The following PRTFDC1 variants were observed in gnomAD, a reference collection of about 807,000 sequenced individuals.
PRTFDC1 encodes phosphoribosyltransferase domain-containing protein 1.
In PRTFDC1, 38 loss-of-function variants were observed where a neutral mutation model predicts 34.6. That is an observed-to-expected ratio of 1.10 (90% CI 0.85 to 1.44). The LOEUF is 1.44. Among genes scored for constraint, PRTFDC1 ranks in the 40% most tolerant of loss-of-function variants. The pLI is 0.00. For synonymous variants in PRTFDC1, 93 were observed against 98.1 expected (o/e 0.95, Z 0.31); for missense variants, 270 against 283.0 (o/e 0.95, Z 0.33).
In PRTFDC1 at chr10:24,937,425, T is replaced by A. The variant is rs939918995; in HGVS notation, c.156-58A>T. 4 of 1,451,924 alleles carry A rather than the reference T, an allele frequency of 2.8e-6. No individual in the cohort carries two copies. The African/African-American group carries it at 5.6e-5, about 20-fold the overall frequency. The allele number at this position is 1,451,924 out of a possible 1,614,324, so 89.9% of individuals were successfully genotyped here. Reference sequence around the variant, plus strand: ...AACTACTTCTGAGTATTTATGTTGCTTTAATGAAATGCAAGATGTATTGTA... The same window carrying A: ...AACTACTTCTGAGTATTTATGTTGCATTAATGAAATGCAAGATGTATTGTA... On this transcript the variant is annotated intron_variant, in intron 2 of 8. Transcript: ENST00000320152.
chr10:24,904,311 C>A (rs1354353743), intron 3 of PRTFDC1, among the ~76,000 whole-genome samples: 1 of 151,510 alleles, frequency 6.6e-6, no homozygotes, highest in Non-Finnish European at 1.5e-5. Context: ...CTCAGACTTG[C>A]AAATATTCTT....
chr10:24,951,866 A>G (rs1849350459), intron 1 of PRTFDC1, among the ~76,000 whole-genome samples: 1 of 152,052 alleles, frequency 6.6e-6, no homozygotes, highest in South Asian at 2.1e-4. Flanking sequence ...TCCCATCCGG[A>G]CACACTGCTA....
At chr10:24,875,795 A>G (rs1847952363) in intron 3 of PRTFDC1, among the ~76,000 whole-genome samples, 1 of 151,148 alleles carries the variant, frequency 6.6e-6, no homozygotes, top group South Asian at 2.1e-4. Flanking sequence ...CAATTAATTA[A>G]TCTAACTTGT....
intron 3 of PRTFDC1, among the ~76,000 whole-genome samples, chr10:24,893,276 C>T (rs1042282292): frequency 6.6e-5 from 10 of 151,978 alleles, no homozygotes; most frequent in Admixed American, 1.3e-4. Flanking sequence ...CTCTCTTTCT[C>T]TCTCTCTCTC....
rs997751448 is a variant in PRTFDC1 at position 24,943,582 on chromosome 10, G to A, written c.49-1146C>T. ...TTTTCTCTCTCTGAGACAGGGTCCC[G>A]CACTGTCACCCAGTCTGGAGTGCAG... On this transcript the variant is annotated intron_variant, in intron 1 of 8. Coordinates refer to ENST00000320152, the MANE Select transcript of PRTFDC1 (RefSeq NM_020200.7). Among the ~76,000 whole-genome samples the A allele has an allele frequency of 3.6e-5, 5 of 139,330 alleles. No homozygotes were observed. In the East Asian group the frequency reaches 6.4e-4, roughly 18 times the overall value. 91.4% of individuals were successfully genotyped at this position (139,330 alleles called of 152,430 possible).
Position 24,860,430 on chromosome 10 carries a change from C to T in PRTFDC1, c.406-2021G>A, listed in dbSNP as rs144693455. Among the ~76,000 whole-genome samples, 844 of 152,206 alleles carry T rather than the reference C, an allele frequency of 5.5e-3. 6 individuals carry two copies. Among genetic ancestry groups the T allele is most frequent in the Non-Finnish European group, 0.01 (690 of 68,000 alleles). On this transcript the variant is annotated intron_variant, in intron 4 of 8. Coordinates refer to ENST00000320152, the MANE Select transcript of PRTFDC1 (RefSeq NM_020200.7). ...CAAATACTACACATTCGATAACTTA[C>T]TTATGTTTAATGCAAGATTTAATTA...
At chr10:24,898,177 G>A (rs184211740) in intron 3 of PRTFDC1, among the ~76,000 whole-genome samples, 70 of 151,150 alleles carry the variant, frequency 4.6e-4, no homozygotes, top group Non-Finnish European at 4.1e-4. Flanking sequence ...GAGGCTGTGC[G>A]CAGTGGCTCA....
chr10:24,906,970 G>T (rs1047884143), intron 3 of PRTFDC1, among the ~76,000 whole-genome samples: 2 of 152,186 alleles, frequency 1.3e-5, no homozygotes, highest in Admixed American at 6.5e-5. Context: ...TATACATTTA[G>T]CATATAAAGC....
At chr10:24,865,477 T>C (rs1031570510) in intron 4 of PRTFDC1, among the ~76,000 whole-genome samples, 2 of 152,172 alleles carry the variant, frequency 1.3e-5, no homozygotes, top group Non-Finnish European at 1.5e-5. Context: ...CTTAGTCATC[T>C]CATCACACCT....
chr10:24,917,506 A>T (rs1848712374), intron 3 of PRTFDC1, among the ~76,000 whole-genome samples: 1 of 152,154 alleles, frequency 6.6e-6, no homozygotes, highest in Non-Finnish European at 1.5e-5. Context: ...TGTTAAACAT[A>T]ATATTTTGAT....
At chr10:24,904,719 A>C (rs1848504410) in intron 3 of PRTFDC1, among the ~76,000 whole-genome samples, 1 of 152,126 alleles carries the variant, frequency 6.6e-6, no homozygotes. Flanking sequence ...GTTTAGAGAG[A>C]CCACTCTTAT....
chr10:24,929,048 A>AAAG (rs1848928805), intron 3 of PRTFDC1, among the ~76,000 whole-genome samples: 1 of 116,182 alleles, frequency 8.6e-6, no homozygotes, highest in African/African-American at 3.1e-5. Context: ...CTCAAAAAAA[A>AAAG]AAAAAAAGAA....
intron 3 of PRTFDC1, among the ~76,000 whole-genome samples, chr10:24,900,148 G>T (rs1453140364): frequency 1.3e-5 from 2 of 152,170 alleles, no homozygotes; most frequent in Non-Finnish European, 2.9e-5. Context: ...TTGAAAAGTG[G>T]CCTACTTATT....
At chr10:24,880,954 CTTCT>C (rs1047853740) in intron 3 of PRTFDC1, among the ~76,000 whole-genome samples, 9 of 147,262 alleles carry the variant, frequency 6.1e-5, no homozygotes, top group African/African-American at 1.5e-4. Flanking sequence ...TTCCTTCCTT[CTTCT>C]TTCTTTCTTT....
Position 24,929,545 on chromosome 10 carries a change from A to T in PRTFDC1, c.339+7639T>A, listed in dbSNP as rs1460510383. Among the ~76,000 whole-genome samples, 8 of 152,298 alleles carry T rather than the reference A, an allele frequency of 5.3e-5. No individual in the cohort carries two copies. In the East Asian group the frequency reaches 1.5e-3, roughly 29 times the overall value. ...ATCTAGGGCAACTGTGGCTTGCCTA[A>T]AATAACATTCATCCTCAATTTTTAA... On this transcript the variant is annotated intron_variant, in intron 3 of 8. Coordinates refer to ENST00000320152, the MANE Select transcript of PRTFDC1 (RefSeq NM_020200.7).
intron 3 of PRTFDC1, among the ~76,000 whole-genome samples, chr10:24,936,811 A>G (rs550812974): frequency 1.6e-3 from 251 of 152,284 alleles, no homozygotes; most frequent in African/African-American, 5.4e-3. Context: ...ACACCCTCCC[A>G]TAGGTCCCCA....
At chr10:24,941,652 G>A (rs906006831) in intron 2 of PRTFDC1, among the ~76,000 whole-genome samples, 1 of 152,084 alleles carries the variant, frequency 6.6e-6, no homozygotes, top group Non-Finnish European at 1.5e-5. Context: ...AAGGCTTAGG[G>A]TAACCCTACC....
intron 3 of PRTFDC1, among the ~76,000 whole-genome samples, chr10:24,925,412 G>A (rs903066197): frequency 6.6e-6 from 1 of 152,098 alleles, no homozygotes; most frequent in African/African-American, 2.4e-5. Context: ...CATGGCACAT[G>A]TATACCTATG....
intron 3 of PRTFDC1, among the ~76,000 whole-genome samples, chr10:24,875,844 TA>T (rs1847952989): frequency 2.3e-5 from 3 of 128,102 alleles, no homozygotes; most frequent in Non-Finnish European, 4.8e-5. Context: ...ATAATTCTCA[TA>T]GTTTTTTTTT....
Sources: allele counts gnomAD v4.1 joint callset (sites outside exome capture counted in the v4.1 genomes callset), GRCh38; gene constraint gnomAD v4.1.1; transcripts MANE v1.5; gene names NCBI Gene and HGNC (gene_info 2026-07-23, HGNC 2026-07-21).